Variants in SAMD12 observed in about 807,000 individuals in gnomAD.
SAMD12 encodes the protein sterile alpha motif domain-containing protein 12.
SAMD12 carries 9 observed loss-of-function variants against 15.0 expected under a neutral mutation model. The observed-to-expected ratio is 0.60, with a 90% confidence interval of 0.36 to 1.05. The LOEUF (loss-of-function observed/expected upper bound fraction) is 1.05, where lower values mean the gene tolerates loss of function less well. SAMD12 is among the 50% of genes least tolerant of loss of function. The pLI, the probability that SAMD12 is intolerant of heterozygous loss-of-function variation, is 0.01. For missense variants in SAMD12, 230 were observed against 234.2 expected, an observed-to-expected ratio of 0.98 and a Z score of 0.12; for synonymous variants, 86 against 90.1, an observed-to-expected ratio of 0.96 and a Z score of 0.25.
At chr8:118,276,745 T>C (rs1813483311) in intron 4 of SAMD12, among the ~76,000 whole-genome samples, 2 of 152,204 alleles carry the variant, frequency 1.3e-5, no homozygotes. Context: ...TGATCTTAGC[T>C]CACTGTAACC....
intron 3 of SAMD12, among the ~76,000 whole-genome samples, chr8:118,418,718 C>CAAA (rs545742157): frequency 9.5e-4 from 125 of 132,056 alleles, no homozygotes; most frequent in Middle Eastern, 3.9e-3. Context: ...GACTCCGTCT[C>CAAA]AAAAAAAAAA....
At chr8:118,306,445 A>G (rs1376845615) in intron 4 of SAMD12, among the ~76,000 whole-genome samples, 2 of 152,174 alleles carry the variant, frequency 1.3e-5, no homozygotes, top group African/African-American at 4.8e-5. Context: ...ACCTTCTTTA[A>G]AAGTCAGCTG....
At chr8:118,286,317 TA>T (rs112548524) in intron 4 of SAMD12, among the ~76,000 whole-genome samples, 1,800 of 148,668 alleles carry the variant, frequency 0.012, 42 homozygotes, top group African/African-American at 0.042. Flanking sequence ...AAAATATAAT[TA>T]AAAAAAAAAG....
chr8:118,378,058 A>G lies in SAMD12; in HGVS notation c.*1359T>C, dbSNP rs1819476321. 1 of 152,208 alleles carries G rather than the reference A, an allele frequency of 6.6e-6. No individual in the cohort carries two copies. Among genetic ancestry groups the G allele is most frequent in the Non-Finnish European group, 1.5e-5 (1 of 68,014 alleles). 9.4% of individuals were successfully genotyped at this position (152,208 alleles called of 1,614,324 possible). A position where few individuals can be genotyped will look rare whatever the true frequency, so the allele number is the denominator to read the frequency against. ...CTTGCAGTCCTTTTTTTCTGTACAT[A>G]TAAGAATATATGGTTTTTACAAAAT... On this transcript the variant is annotated 3_prime_UTR_variant, in exon 4 of 4. Coordinates refer to ENST00000314727, the MANE Select transcript of SAMD12 (RefSeq NM_207506.3).
chr8:118,291,582 G>C (rs1467245836), intron 4 of SAMD12, among the ~76,000 whole-genome samples: 1 of 152,082 alleles, frequency 6.6e-6, no homozygotes, highest in African/African-American at 2.4e-5. Context: ...TGATGTTTCA[G>C]GGGCCTGGTT....
the SAMD12 span, among the ~76,000 whole-genome samples, chr8:118,147,392 C>T: frequency 1.4e-5 from 2 of 143,912 alleles, no homozygotes; most frequent in East Asian, 2.1e-4. Flanking sequence ...TGAAGTTTCA[C>T]TCTTGTTGCC....
chr8:118,435,749 C>A (rs1022684836), intron 3 of SAMD12, among the ~76,000 whole-genome samples: 3 of 152,084 alleles, frequency 2.0e-5, no homozygotes, highest in African/African-American at 7.2e-5. Context: ...GAGGTTAAAG[C>A]GTAATTTTCA....
intron 4 of SAMD12, among the ~76,000 whole-genome samples, chr8:118,367,332 T>C (rs1216778900): frequency 2.0e-5 from 3 of 152,228 alleles, no homozygotes; most frequent in Non-Finnish European, 4.4e-5. Flanking sequence ...CACATGTCAA[T>C]GTTCTAAATC....
At chr8:118,430,071 T>C (rs1270144728) in intron 3 of SAMD12, among the ~76,000 whole-genome samples, 1 of 152,190 alleles carries the variant, frequency 6.6e-6, no homozygotes, top group South Asian at 2.1e-4. Context: ...TTAAAAATTA[T>C]GGATCAACAC....
chr8:118,340,698 G>A (rs368845949), intron 4 of SAMD12, among the ~76,000 whole-genome samples: 13 of 152,278 alleles, frequency 8.5e-5, no homozygotes, highest in Middle Eastern at 3.4e-3. Flanking sequence ...GAACCCGGGA[G>A]GTGGAGGTTG....
chr8:118,396,752 A>T (rs1290302673), intron 3 of SAMD12, among the ~76,000 whole-genome samples: 4 of 152,238 alleles, frequency 2.6e-5, no homozygotes, highest in Admixed American at 2.6e-4. Flanking sequence ...TTAATGACTT[A>T]TCATGTGCCA....
intron 3 of SAMD12, among the ~76,000 whole-genome samples, chr8:118,426,038 A>G (rs1273738577): frequency 6.6e-6 from 1 of 152,252 alleles, no homozygotes; most frequent in Non-Finnish European, 1.5e-5. Context: ...GGTCCCTTGC[A>G]GTCTGACATC....
At chr8:118,194,783 G>A (rs1381129737) in exon 5 of SAMD12, 1 of 152,208 alleles carries the variant, frequency 6.6e-6, no homozygotes, top group Non-Finnish European at 1.5e-5. Flanking sequence ...CACAGTTGAA[G>A]TTAACCATGG....
chr8:118,600,572 T>C (rs188694710), intron 1 of SAMD12, among the ~76,000 whole-genome samples: 12 of 152,336 alleles, frequency 7.9e-5, no homozygotes, highest in Middle Eastern at 3.4e-3. Context: ...CTAGTGACTC[T>C]ATTGCACTAT....
At chr8:118,180,506 G>A in the SAMD12 span, among the ~76,000 whole-genome samples, 1 of 152,042 alleles carries the variant, frequency 6.6e-6, no homozygotes. Context: ...TCTGTCTAGT[G>A]GGCTATGGCT....
chr8:118,284,589 G>A, intron 4 of SAMD12: 1 of 334,044 alleles, frequency 3.0e-6, no homozygotes. Context: ...TGCCAGAGGT[G>A]ACATATATAC....
intron 2 of SAMD12, among the ~76,000 whole-genome samples, chr8:118,499,100 C>T (rs932731825): frequency 2.6e-5 from 4 of 152,224 alleles, no homozygotes; most frequent in Admixed American, 6.5e-5. Context: ...GCTGACACTA[C>T]ATGTCCAGTA....
intron 4 of SAMD12, among the ~76,000 whole-genome samples, chr8:118,340,082 A>G (rs1244256398): frequency 6.6e-6 from 1 of 152,242 alleles, no homozygotes; most frequent in African/African-American, 2.4e-5. Flanking sequence ...TGAGAGCTGG[A>G]GGAACAAGAT....
At position 118,580,433 on chromosome 8, in the gene SAMD12, G is replaced by C. The variant is rs1180634008; in HGVS notation, c.192+282C>G. On this transcript the variant is annotated intron_variant, in intron 2 of 3. Transcript: ENST00000314727. ...CAACACCATAGAGTGGTAAGTCTGA[G>C]CCTGGCAGGTGAATCTTTTAGCTTC... Among the ~76,000 whole-genome samples the C allele has an allele frequency of 4.6e-5, 7 of 152,170 alleles. 1 individual carries two copies. Among genetic ancestry groups the C allele is most frequent in the Admixed American group, 3.3e-4 (5 of 15,272 alleles).
Sources: gnomAD v4.1 joint callset for allele counts (sites outside exome capture counted in the v4.1 genomes callset) on GRCh38, gnomAD v4.1.1 for gene constraint, MANE v1.5 for transcripts, NCBI Gene and HGNC (gene_info 2026-07-23, HGNC 2026-07-21) for gene names.